KIF13A: variants seen among roughly 807,000 people sequenced by gnomAD.
KIF13A encodes the protein kinesin family member 13A.
A neutral mutation model predicts 212.2 loss-of-function variants in KIF13A; 79 were observed. The ratio of observed to expected loss-of-function variants is 0.37; its 90% CI spans 0.31 to 0.45. The LOEUF (loss-of-function observed/expected upper bound fraction) is 0.45, where lower values mean the gene tolerates loss of function less well. Ranked by LOEUF, KIF13A falls within the 20% of genes least tolerant of loss-of-function variation. KIF13A has a pLI of 1.00. For missense variants in KIF13A, 1,901 were observed against 2,209.0 expected, an observed-to-expected ratio of 0.86 and a Z score of 2.79; for synonymous variants, 789 against 808.6, an observed-to-expected ratio of 0.98 and a Z score of 0.41.
chr6:17,978,945 A>C (rs1378097654), intron 2 of KIF13A, among the ~76,000 whole-genome samples: 1 of 152,228 alleles, frequency 6.6e-6, no homozygotes, highest in Non-Finnish European at 1.5e-5. Context: ...ACCTTTTTAA[A>C]TGTTACACCA....
intron 9 of KIF13A, among the ~76,000 whole-genome samples, chr6:17,842,075 G>A (rs1766583625): frequency 6.6e-6 from 1 of 151,308 alleles, no homozygotes; most frequent in South Asian, 2.1e-4. Context: ...TTGAGATAGG[G>A]TCTTGCTCTG....
chr6:17,780,115 G>A (rs1760425709), intron 31 of KIF13A, among the ~76,000 whole-genome samples: 1 of 152,180 alleles, frequency 6.6e-6, no homozygotes, highest in African/African-American at 2.4e-5. Flanking sequence ...AGAATACTCA[G>A]CATAACAGAA....
rs1199398005 is a variant in KIF13A, at chr6:17,772,003, G to T, written c.4381C>A (p.Pro1461Thr). The change falls in exon 37 of 39, where the codon CCT becomes ACT. Residue 1461 changes from proline to threonine, a missense_variant. Transcript: ENST00000259711. The surrounding 1 kb of genome is among the most constrained non-coding windows in gnomAD (Gnocchi z 4.8). ...GGCTTGAAAAACTTTGGTGGCTGAG[G>T]AGAGAATGCTTTAAAAGGGCTGACG... ...LTVSPFKAFSPQPPKFFKPLM... is the reference protein window; with the variant it reads ...LTVSPFKAFSTQPPKFFKPLM... 1 of 1,613,804 alleles carries T rather than the reference G, an allele frequency of 6.2e-7. No individual in the cohort carries two copies. The highest frequency in any genetic ancestry group is 8.5e-7 in the Non-Finnish European group (1 of 1,179,824).
chr6:17,859,930 C>A (rs76768776), intron 4 of KIF13A, among the ~76,000 whole-genome samples: 12,361 of 151,774 alleles, frequency 0.081, 601 homozygotes, highest in Non-Finnish European at 0.11. Context: ...ATTATTGAAT[C>A]CTCACAATAC....
chr6:17,894,638 G>C (rs1334305830), intron 3 of KIF13A, among the ~76,000 whole-genome samples: 1 of 151,888 alleles, frequency 6.6e-6, no homozygotes, highest in African/African-American at 2.4e-5. Context: ...TATTAGTGTG[G>C]TACATTTGTT....
chr6:17,986,604 C>T (rs1262914688), intron 2 of KIF13A, among the ~76,000 whole-genome samples: 1 of 152,240 alleles, frequency 6.6e-6, no homozygotes, highest in Non-Finnish European at 1.5e-5. Context: ...CCATTTTAGA[C>T]ACACTGTCCC....
chr6:17,935,363 C>G (rs1776366493), intron 2 of KIF13A, among the ~76,000 whole-genome samples: 1 of 152,126 alleles, frequency 6.6e-6, no homozygotes, highest in African/African-American at 2.4e-5. Context: ...TGGCTCAGCT[C>G]AGCAGGCAGC....
At chr6:17,805,370 CGT>C (rs59526903) in intron 19 of KIF13A, 103 bp downstream of exon 19, 26,231 of 734,118 alleles carry the variant, frequency 0.036, 166 homozygotes, top group African/African-American at 0.057. Context: ...AGCACATCTC[CGT>C]GTGTGTGTGT....
In KIF13A at chr6:17,987,331, C is replaced by G; in HGVS notation, c.55+78G>C. 7 of 1,090,904 alleles carry G rather than the reference C, an allele frequency of 6.4e-6. No homozygotes were observed. In the South Asian group the frequency reaches 1.3e-4, roughly 21 times the overall value. 67.6% of individuals were successfully genotyped at this position (1,090,904 alleles called of 1,614,324 possible). On this transcript the variant is annotated intron_variant, in intron 1 of 38. Transcript: ENST00000259711. This position sits in a 1 kb window ranked among gnomAD's most constrained non-coding sequence, Gnocchi z 7.7. ...CCCCCGGCCCCGGCCGCGCTCTCGC[C>G]GTCCCGGCCCCGCAGTTTCTAAAGT...
At chr6:17,905,038 A>C (rs1445354247) in intron 2 of KIF13A, among the ~76,000 whole-genome samples, 2 of 152,256 alleles carry the variant, frequency 1.3e-5, no homozygotes, top group Non-Finnish European at 2.9e-5. Context: ...CCCGTGGCCT[A>C]CGGGCCTCAT....
At position 17,915,270 on chromosome 6, in the gene KIF13A, A is replaced by AG. The variant is rs1161483754; in HGVS notation, c.147-17091dup. Reference sequence around the variant, plus strand: ...CAGGGATGCAGAAGCCAGACTGCCCAGGTTCCATTCTTGCCTCCACCACTT... The same window carrying AG: ...CAGGGATGCAGAAGCCAGACTGCCCAGGGTTCCATTCTTGCCTCCACCACTT... On this transcript the variant is annotated intron_variant, in intron 2 of 38. Transcript: ENST00000259711. This position sits in a 1 kb window ranked among gnomAD's most constrained non-coding sequence, Gnocchi z 4.4. Among the ~76,000 whole-genome samples, 1 of 152,170 alleles carries AG rather than the reference A, an allele frequency of 6.6e-6. No homozygotes were observed. Among genetic ancestry groups the AG allele is most frequent in the Non-Finnish European group, 1.5e-5 (1 of 68,018 alleles).
At chr6:17,935,783 G>T (rs143909503) in intron 2 of KIF13A, among the ~76,000 whole-genome samples, 3 of 152,142 alleles carry the variant, frequency 2.0e-5, no homozygotes, top group African/African-American at 7.2e-5. Flanking sequence ...CTCAAAAGTT[G>T]ATGTACACTA....
intron 2 of KIF13A, among the ~76,000 whole-genome samples, chr6:17,902,175 G>A (rs952164034): frequency 3.3e-5 from 5 of 152,074 alleles, no homozygotes; most frequent in Admixed American, 1.3e-4. Context: ...AAGTGACCCC[G>A]ACACATAGGT....
intron 2 of KIF13A, among the ~76,000 whole-genome samples, chr6:17,960,710 T>C (rs1341950815): frequency 1.3e-5 from 2 of 152,158 alleles, no homozygotes; most frequent in Non-Finnish European, 2.9e-5. Context: ...TTCAGAAATA[T>C]TTTTATATGT....
chr6:17,939,989 G>A (rs1776811610), intron 2 of KIF13A, among the ~76,000 whole-genome samples: 1 of 147,798 alleles, frequency 6.8e-6, no homozygotes, highest in Non-Finnish European at 1.5e-5. Context: ...GCAGTGAGCC[G>A]AGATCGCGCC....
At chr6:17,766,896 T>C (rs995407948) in intron 38 of KIF13A, among the ~76,000 whole-genome samples, 1 of 152,238 alleles carries the variant, frequency 6.6e-6, no homozygotes, top group Non-Finnish European at 1.5e-5. Context: ...TCTTAAATGC[T>C]TCTCAGCTTT....
Position 17,794,740 on chromosome 6 carries a change from C to G in KIF13A, c.2943-36G>C. 6.3e-7 allele frequency: 1 copy of G among 1,593,094 alleles called. No individual in the cohort carries two copies. Among genetic ancestry groups the G allele is most frequent in the African/African-American group, 1.3e-5 (1 of 74,422 alleles). The stretch of plus-strand genomic sequence containing the variant: ...ACATTCCAACAAGCAAGAGCGTCAT[C>G]GTCCAGGGATACTGTTAGTAATAGT... On this transcript the variant is annotated intron_variant, in intron 23 of 38. Transcript: ENST00000259711. This position sits in a 1 kb window ranked among gnomAD's most constrained non-coding sequence, Gnocchi z 4.1.
chr6:17,784,403 A>C (rs1247988176), intron 28 of KIF13A, among the ~76,000 whole-genome samples: 1 of 152,200 alleles, frequency 6.6e-6, no homozygotes, highest in Non-Finnish European at 1.5e-5. Context: ...TGGGAAACAG[A>C]ATGAGACCCT....
At position 17,982,738 on chromosome 6, in the gene KIF13A, T is replaced by C. The variant is rs1203975154; in HGVS notation, c.146+4316A>G. On this transcript the variant is annotated intron_variant, in intron 2 of 38. Transcript: ENST00000259711. This position sits in a 1 kb window ranked among gnomAD's most constrained non-coding sequence, Gnocchi z 5.1. The stretch of plus-strand genomic sequence containing the variant: ...GTAGAAAGCAAGTTCCACTATATTC[T>C]TTTCACAGCACAGCATCACTTCCTA... 6.6e-6 allele frequency among the ~76,000 whole-genome samples: 1 copy of C among 152,194 alleles called. No individual in the cohort carries two copies. Among genetic ancestry groups the C allele is most frequent in the African/African-American group, 2.4e-5 (1 of 41,444 alleles).
Sources: gnomAD v4.1 joint callset for allele counts (sites outside exome capture counted in the v4.1 genomes callset) on GRCh38, gnomAD v4.1.1 for gene constraint, Gnocchi (gnomAD v3.1) non-coding constraint, MANE v1.5 for transcripts, NCBI Gene and HGNC (gene_info 2026-07-23, HGNC 2026-07-21) for gene names.